The following DNAH6 variants were observed in gnomAD, a reference collection of about 807,000 sequenced individuals.
DNAH6 encodes the protein axonemal beta dynein heavy chain 6.
In DNAH6, 340 loss-of-function variants were observed where a neutral mutation model predicts 491.4. The ratio of observed to expected loss-of-function variants is 0.69; its 90% CI spans 0.63 to 0.76. The LOEUF (loss-of-function observed/expected upper bound fraction) is 0.76, where lower values mean the gene tolerates loss of function less well. DNAH6 is among the 30% of genes least tolerant of loss of function. The pLI, the probability that DNAH6 is intolerant of heterozygous loss-of-function variation, is 0.00. For missense variants in DNAH6, 4,443 were observed against 4,972.2 expected, an observed-to-expected ratio of 0.89 and a Z score of 3.20; for synonymous variants, 1,603 against 1,686.1, an observed-to-expected ratio of 0.95 and a Z score of 1.21.
At chr2:84,753,400 A>ATT (rs199641329) in intron 63 of DNAH6, among the ~76,000 whole-genome samples, 1 of 150,788 alleles carries the variant, frequency 6.6e-6, no homozygotes, top group Non-Finnish European at 1.5e-5. Context: ...CAGTTTATCT[A>ATT]TTTTTTTTTC....
At chr2:84,649,482 A>G (rs1233169273) in intron 33 of DNAH6, among the ~76,000 whole-genome samples, 2 of 152,072 alleles carry the variant, frequency 1.3e-5, no homozygotes, top group Non-Finnish European at 2.9e-5. Context: ...CTACAAATTC[A>G]TTTCCTTTTC....
chr2:84,763,854 A>G (rs1181195740), intron 64 of DNAH6, among the ~76,000 whole-genome samples: 1 of 151,934 alleles, frequency 6.6e-6, no homozygotes, highest in Non-Finnish European at 1.5e-5. Flanking sequence ...CCTGAGAGCC[A>G]GGAGAGCTGA....
intron 69 of DNAH6, 135 bp downstream of exon 69, chr2:84,796,560 G>T (rs1678370476): frequency 6.4e-6 from 4 of 620,638 alleles, no homozygotes; most frequent in South Asian, 4.5e-5. Flanking sequence ...CCCCATGCTT[G>T]GCCACCTTCA....
rs946178313 is a variant in DNAH6, at chr2:84,697,588, A to C, written c.7538A>C (p.Glu2513Ala). 7 of 1,551,738 alleles carry C rather than the reference A, an allele frequency of 4.5e-6. No individual in the cohort carries two copies. Among genetic ancestry groups the C allele is most frequent in the Non-Finnish European group, 6.1e-6 (7 of 1,146,926 alleles). ...LFTDTQIVVEEFLEDINNILN... is the reference protein window; with the variant it reads ...LFTDTQIVVEAFLEDINNILN... ...TTTCTTCTACAGATTGTAGTGGAGG[A>C]GTTCCTAGAAGATATAAATAACATC... is the stretch of plus-strand genomic sequence containing the variant. Residue 2513 changes from glutamate (E) to alanine (A), a missense_variant, in exon 47 of 77, where the codon GAG becomes GCG. This residue lies in a region of DNAH6 where 2,977 missense variants were observed against 3,296.6 expected (regional missense o/e 0.90). Transcript: ENST00000389394.
At chr2:84,693,784 A>C (rs1695111855) in intron 45 of DNAH6, among the ~76,000 whole-genome samples, 1 of 151,996 alleles carries the variant, frequency 6.6e-6, no homozygotes, top group African/African-American at 2.4e-5. Flanking sequence ...ACTTTCTAAA[A>C]TTTTGTTGGT....
chr2:84,487,339 T>G, the DNAH6 span, among the ~76,000 whole-genome samples: 2 of 152,182 alleles, frequency 1.3e-5, no homozygotes, highest in African/African-American at 4.8e-5. Flanking sequence ...TAGGATATTA[T>G]CTGAATGCCT....
At chr2:84,618,771 T>C (rs1389028505) in intron 23 of DNAH6, among the ~76,000 whole-genome samples, 1 of 152,156 alleles carries the variant, frequency 6.6e-6, no homozygotes, top group African/African-American at 2.4e-5. Flanking sequence ...TTACATGAAG[T>C]CTGGCATTTA....
intron 4 of DNAH6, among the ~76,000 whole-genome samples, chr2:84,534,682 T>C (rs1677512966): frequency 1.3e-5 from 2 of 152,140 alleles, no homozygotes; most frequent in Non-Finnish European, 2.9e-5. Context: ...TTATTTTTTC[T>C]ATCCCTTCTT....
chr2:84,707,790 G>A (rs1178418881), intron 54 of DNAH6, 74 bp downstream of exon 54: 39 of 1,152,006 alleles, frequency 3.4e-5, no homozygotes, highest in Non-Finnish European at 4.6e-5. Context: ...TCATTTTTCT[G>A]AGTTCAGATG....
chr2:84,754,456 C>T (rs1673798959), intron 63 of DNAH6, among the ~76,000 whole-genome samples: 1 of 152,220 alleles, frequency 6.6e-6, no homozygotes, highest in Non-Finnish European at 1.5e-5. Context: ...GCTGGGATTA[C>T]AGGCCTGAGC....
At chr2:84,814,970 G>T (rs1680348902) in intron 75 of DNAH6, among the ~76,000 whole-genome samples, 1 of 152,238 alleles carries the variant, frequency 6.6e-6, no homozygotes, top group Non-Finnish European at 1.5e-5. Context: ...TGTTTAAACA[G>T]CTTTATCTCT....
intron 67 of DNAH6, among the ~76,000 whole-genome samples, chr2:84,786,440 A>G (rs397832788): frequency 2.8e-4 from 39 of 139,796 alleles, no homozygotes; most frequent in Middle Eastern, 3.7e-3. Context: ...AAAAAAAAAA[A>G]AAAAAGAAAA....
At chr2:84,766,535 A>T (rs1409927213) in intron 64 of DNAH6, among the ~76,000 whole-genome samples, 1 of 152,226 alleles carries the variant, frequency 6.6e-6, no homozygotes, top group Non-Finnish European at 1.5e-5. Flanking sequence ...CTTAGAGGTA[A>T]ATTGATGCAT....
At chr2:84,505,705 C>A in the DNAH6 span, among the ~76,000 whole-genome samples, 1 of 152,140 alleles carries the variant, frequency 6.6e-6, no homozygotes, top group Non-Finnish European at 1.5e-5. Flanking sequence ...CTATCCCTCC[C>A]CACTCCCTCC....
At chr2:84,599,029 CAAA>C (rs35322585) in intron 18 of DNAH6, among the ~76,000 whole-genome samples, 91,020 of 118,274 alleles carry the variant, frequency 0.77, 35,709 homozygotes, top group East Asian at 0.94. Flanking sequence ...GACTCAGTTT[CAAA>C]AAAAAAAAAA....
chr2:84,585,646 G>A (rs1001505274), intron 15 of DNAH6, among the ~76,000 whole-genome samples: 4 of 151,766 alleles, frequency 2.6e-5, no homozygotes, highest in African/African-American at 4.8e-5. Flanking sequence ...TGGTTTTCCC[G>A]ATGTATGCCC....
chr2:84,540,354 A>C (rs1678127769), intron 4 of DNAH6, among the ~76,000 whole-genome samples: 1 of 152,198 alleles, frequency 6.6e-6, no homozygotes, highest in Non-Finnish European at 1.5e-5. Flanking sequence ...AGGAGCAATA[A>C]GAGGCTATTC....
At chr2:84,769,325 C>A (rs1375289380) in intron 64 of DNAH6, among the ~76,000 whole-genome samples, 1 of 152,240 alleles carries the variant, frequency 6.6e-6, no homozygotes, top group Admixed American at 6.5e-5. Context: ...CCACCCACTC[C>A]CCTCAGACCT....
chr2:84,778,086 C>G (rs2105208805), intron 64 of DNAH6: 1 of 843,294 alleles, frequency 1.2e-6, no homozygotes, highest in Non-Finnish European at 2.1e-6. Context: ...AGTTTATCTT[C>G]CAGTTAAACT....
Sources: gnomAD v4.1 joint callset for allele counts (sites outside exome capture counted in the v4.1 genomes callset) on GRCh38, gnomAD v4.1.1 for gene constraint, gnomAD v4.1.1 regional missense constraint, MANE v1.5 for transcripts, NCBI Gene and HGNC (gene_info 2026-07-23, HGNC 2026-07-21) for gene names.